Variants in SNTG2 observed in about 807,000 individuals in gnomAD.
SNTG2 encodes syntrophin gamma 2, also known as gamma-2-syntrophin.
In SNTG2, 74 loss-of-function variants were observed where a neutral mutation model predicts 70.9. The ratio of observed to expected loss-of-function variants is 1.04; its 90% CI spans 0.86 to 1.27. The LOEUF is 1.27. Ranked by LOEUF, SNTG2 falls within the 50% of genes most tolerant of loss-of-function variation. SNTG2 has a pLI of 0.00. For synonymous variants in SNTG2, 278 were observed against 273.8 expected, an observed-to-expected ratio of 1.02 and a Z score of -0.15; for missense variants, 717 against 690.7, an observed-to-expected ratio of 1.04 and a Z score of -0.43.
intron 1 of SNTG2, among the ~76,000 whole-genome samples, chr2:1,077,975 C>T (rs868089716): frequency 1.3e-5 from 2 of 152,100 alleles, no homozygotes; most frequent in South Asian, 2.1e-4. Flanking sequence ...GCTGTGGCAT[C>T]GTGGTGGATT....
chr2:1,040,139 T>TA (rs1185180194), intron 1 of SNTG2, among the ~76,000 whole-genome samples: 1 of 152,164 alleles, frequency 6.6e-6, no homozygotes. Flanking sequence ...GGCTGCCACT[T>TA]ACGCCTGCAT....
At chr2:995,516 T>C (rs1661649399) in intron 1 of SNTG2, among the ~76,000 whole-genome samples, 1 of 152,150 alleles carries the variant, frequency 6.6e-6, no homozygotes, top group Non-Finnish European at 1.5e-5. Context: ...GGATATTATC[T>C]TGTAGTTTTC....
At chr2:1,303,757 G>A (rs1680556710) in intron 14 of SNTG2, among the ~76,000 whole-genome samples, 1 of 152,178 alleles carries the variant, frequency 6.6e-6, no homozygotes, top group Admixed American at 6.5e-5. Context: ...GACAAAAATT[G>A]AGAATGTAAT....
At chr2:1,139,999 A>G (rs2147771347) in intron 6 of SNTG2, among the ~76,000 whole-genome samples, 1 of 152,340 alleles carries the variant, frequency 6.6e-6, no homozygotes, top group Non-Finnish European at 1.5e-5. Flanking sequence ...CTAATGAGAC[A>G]TAAAATCTCA....
intron 1 of SNTG2, among the ~76,000 whole-genome samples, chr2:984,604 C>T (rs534317557): frequency 5.5e-4 from 83 of 152,214 alleles, no homozygotes; most frequent in Admixed American, 1.0e-3. Context: ...ACCTGTCTGT[C>T]CTGAGCGCCA....
At chr2:1,231,858 C>A (rs759206804) in intron 9 of SNTG2, among the ~76,000 whole-genome samples, 2 of 152,224 alleles carry the variant, frequency 1.3e-5, no homozygotes, top group Non-Finnish European at 2.9e-5. Flanking sequence ...AGTGCCAGGG[C>A]TGTTAGTGCT....
intron 1 of SNTG2, among the ~76,000 whole-genome samples, chr2:968,002 G>A (rs1660625577): frequency 6.6e-6 from 1 of 151,774 alleles, no homozygotes; most frequent in South Asian, 2.1e-4. Context: ...TCCAGCTTGG[G>A]CAACAGAGCG....
At chr2:1,012,027 G>C (rs1659742800) in intron 1 of SNTG2, among the ~76,000 whole-genome samples, 1 of 152,202 alleles carries the variant, frequency 6.6e-6, no homozygotes, top group African/African-American at 2.4e-5. Context: ...TTTCCCCAGT[G>C]AATACCAAAC....
At chr2:1,219,591 A>G (rs1004188350) in intron 9 of SNTG2, among the ~76,000 whole-genome samples, 3 of 152,190 alleles carry the variant, frequency 2.0e-5, no homozygotes, top group Admixed American at 6.5e-5. Context: ...TGCTCACAGG[A>G]GCCCTGTCCA....
chr2:1,118,491 C>G (rs1667179719), intron 4 of SNTG2, among the ~76,000 whole-genome samples: 1 of 151,830 alleles, frequency 6.6e-6, no homozygotes, highest in Admixed American at 6.6e-5. Flanking sequence ...ACCCTCAGGC[C>G]CATCTGTATG....
At position 1,317,264 on chromosome 2, in the gene SNTG2, T is replaced by G. The variant is rs112334654; in HGVS notation, c.1488+889T>G. Among the ~76,000 whole-genome samples, 8 of 79,994 alleles carry G rather than the reference T, an allele frequency of 1.0e-4. 1 individual carries two copies. Among genetic ancestry groups the G allele is most frequent in the African/African-American group, 2.0e-4 (4 of 19,804 alleles). 52.5% of individuals were successfully genotyped at this position (79,994 alleles called of 152,430 possible). A position where few individuals can be genotyped will look rare whatever the true frequency, so the allele number is the denominator to read the frequency against. ...GGAGAAGGTTGGGATTCTGGAGCAT[T>G]TAGCATCAGGGCAGCATTGGAGAAG... On this transcript the variant is annotated intron_variant, in intron 16 of 16. Transcript: ENST00000308624.
chr2:1,354,063 A>G (rs183516711), intron 16 of SNTG2, among the ~76,000 whole-genome samples: 474 of 152,362 alleles, frequency 3.1e-3, no homozygotes, highest in Non-Finnish European at 5.2e-3. Flanking sequence ...AGGGTGTTAA[A>G]GCACTCAGCT....
intron 9 of SNTG2, among the ~76,000 whole-genome samples, chr2:1,233,704 T>G (rs1475701161): frequency 6.6e-6 from 1 of 152,260 alleles, no homozygotes; most frequent in East Asian, 1.9e-4. Flanking sequence ...ATAAATTTAT[T>G]TCTCTTAGCC....
At position 962,769 on chromosome 2, in the gene SNTG2, GAGAT is replaced by G. The variant is rs58783217; in HGVS notation, c.72+11703_72+11706del. Among the ~76,000 whole-genome samples, 1,467 of 152,246 alleles carry G rather than the reference GAGAT, an allele frequency of 9.6e-3. 24 individuals are homozygous for G. Among genetic ancestry groups the G allele is most frequent in the African/African-American group, 0.034 (1,398 of 41,544 alleles). On this transcript the variant is annotated intron_variant, in intron 1 of 16. Transcript: ENST00000308624. ...GAAAATTACAGATACCTGTGTAAAG[GAGAT>G]ATGGTGAGCCCTGTCCTGGCTTCTA...
At chr2:1,131,746 G>A (rs1364663294) in intron 4 of SNTG2, among the ~76,000 whole-genome samples, 1 of 151,780 alleles carries the variant, frequency 6.6e-6, no homozygotes, top group Non-Finnish European at 1.5e-5. Context: ...CCACCTCCCG[G>A]GTTCACGTGA....
At chr2:1,201,072 G>A (rs1286508096) in intron 8 of SNTG2, among the ~76,000 whole-genome samples, 1 of 151,920 alleles carries the variant, frequency 6.6e-6, no homozygotes, top group Non-Finnish European at 1.5e-5. Context: ...AAGGAAATCA[G>A]TATATCAAAG....
At chr2:1,113,439 A>C (rs1385434109) in intron 4 of SNTG2, among the ~76,000 whole-genome samples, 1 of 152,214 alleles carries the variant, frequency 6.6e-6, no homozygotes, top group Admixed American at 6.5e-5. Flanking sequence ...ATGTGTACTA[A>C]GTGAGGTTTA....
rs1357267480 is a variant in SNTG2 at position 1,281,406 on chromosome 2, G to A, written c.1284+13835G>A. Among the ~76,000 whole-genome samples, 10 of 33,194 alleles carry A rather than the reference G, an allele frequency of 3.0e-4. 1 individual carries two copies. The East Asian group carries it at 8.6e-3, about 29-fold the overall frequency. 21.8% of individuals were successfully genotyped at this position (33,194 alleles called of 152,430 possible). A position where few individuals can be genotyped will look rare whatever the true frequency, so the allele number is the denominator to read the frequency against. On this transcript the variant is annotated intron_variant, in intron 14 of 16. Coordinates refer to ENST00000308624, the MANE Select transcript of SNTG2 (RefSeq NM_018968.4). The stretch of plus-strand genomic sequence containing the variant: ...GGTGTGTGGTGTGTGTTTATGTGGT[G>A]TGTTGTGTGTGTGTGTGTGGTGTGG...
chr2:952,039 T>C (rs188596647), intron 1 of SNTG2, among the ~76,000 whole-genome samples: 1 of 152,324 alleles, frequency 6.6e-6, no homozygotes. Flanking sequence ...GCTACTGTGA[T>C]GTTAAAAAGA....
Sources: allele counts gnomAD v4.1 joint callset (sites outside exome capture counted in the v4.1 genomes callset), GRCh38; gene constraint gnomAD v4.1.1; transcripts MANE v1.5; gene names NCBI Gene and HGNC (gene_info 2026-07-23, HGNC 2026-07-21).